RB1CC1: variants seen among roughly 807,000 people sequenced by gnomAD.
The protein encoded by RB1CC1 is RB1 inducible coiled-coil 1, also known as RB1-inducible coiled-coil protein 1.
RB1CC1 carries 46 observed loss-of-function variants against 177.5 expected under a neutral mutation model. That is an observed-to-expected ratio of 0.26 (90% CI 0.20 to 0.33). The LOEUF is 0.33. Among genes scored for constraint, RB1CC1 ranks in the 10% least tolerant of loss-of-function variants. The pLI is 1.00. For synonymous variants in RB1CC1, 666 were observed against 613.6 expected, an observed-to-expected ratio of 1.09 and a Z score of -1.26; for missense variants, 1,703 against 1,816.3, an observed-to-expected ratio of 0.94 and a Z score of 1.13.
chr8:52,661,211 T>C lies in RB1CC1; in HGVS notation c.1429A>G (p.Ile477Val). The change falls in exon 10 of 24, where the codon ATA becomes GTA. Residue 477 changes from isoleucine to valine, a missense_variant. By Grantham distance (29) the Ile-to-Val change is conservative. Around this residue, in one of 6 missense-constraint regions of RB1CC1, gnomAD observed 1,169 missense variants for 1,184.7 expected, o/e 0.99. Coordinates refer to ENST00000025008, the MANE Select transcript of RB1CC1 (RefSeq NM_014781.5). ...ATTTTGACTCTTTCTAACAGCTCTA[T>C]TACGAGGCGGAGCAAAGCTTGTAAC... ...EKLQALLRLV[I>V]ELLERVKIVE... is the part of the protein sequence containing the mutation. 6.2e-7 allele frequency: 1 copy of C among 1,613,932 alleles called. No individual in the cohort carries two copies. Among genetic ancestry groups the C allele is most frequent in the Non-Finnish European group, 8.5e-7 (1 of 1,179,890 alleles).
chr8:52,635,056 A>G (rs1849029504), intron 19 of RB1CC1, 88 bp from the exon 20 acceptor site: 2 of 1,246,134 alleles, frequency 1.6e-6, no homozygotes, highest in African/African-American at 1.6e-5. Context: ...TCATCAGACA[A>G]AAATGTTTGG....
intron 8 of RB1CC1, among the ~76,000 whole-genome samples, chr8:52,662,933 T>C (rs968544191): frequency 1.8e-4 from 27 of 152,116 alleles, no homozygotes; most frequent in African/African-American, 6.3e-4. Context: ...ATGAAAAATA[T>C]AGAATCAATC....
In RB1CC1 at chr8:52,657,624, A is replaced by T; in HGVS notation, c.2205T>A (p.Ala735=). Residue 735 remains alanine, a synonymous_variant, in exon 15 of 24, where the codon GCT becomes GCA. Transcript: ENST00000025008. ...AESPESDFMS[A]VNEFVIEENL... ...TTTCTTCTATTACAAACTCATTCACAGCAGACATAAAATCTGATTCAGGAC... is the reference window on the plus strand; with the variant it reads ...TTTCTTCTATTACAAACTCATTCACTGCAGACATAAAATCTGATTCAGGAC... 6.2e-7 allele frequency: 1 copy of T among 1,614,150 alleles called. No homozygotes were observed. Among genetic ancestry groups the T allele is most frequent in the Non-Finnish European group, 8.5e-7 (1 of 1,180,030 alleles).
chr8:52,682,049 A>G (rs983743534), intron 5 of RB1CC1, among the ~76,000 whole-genome samples: 5 of 152,174 alleles, frequency 3.3e-5, no homozygotes, highest in African/African-American at 1.2e-4. Context: ...TGCACTGTGC[A>G]CCTGGAAAAG....
chr8:52,709,810 A>G (rs76565959), intron 1 of RB1CC1, among the ~76,000 whole-genome samples: 2,508 of 152,374 alleles, frequency 0.016, 69 homozygotes, highest in African/African-American at 0.056. Context: ...GGGACACCCC[A>G]ATGACAATCT....
rs1854176841 is a variant in RB1CC1, at chr8:52,685,327, G to A, written c.71+72C>T. The A allele has an allele frequency of 5.1e-6, 6 of 1,177,754 alleles. No individual in the cohort carries two copies. In the East Asian group the frequency reaches 1.5e-4, roughly 29 times the overall value. 73.0% of individuals were successfully genotyped at this position (1,177,754 alleles called of 1,614,324 possible). A position where few individuals can be genotyped will look rare whatever the true frequency, so the allele number is the denominator to read the frequency against. ...CCGCCATTATCCTACTTTTTAAACA[G>A]TAGAATAATATTTCTTTAACTTTCT... On this transcript the variant is annotated intron_variant, in intron 3 of 23. Coordinates refer to ENST00000025008, the MANE Select transcript of RB1CC1 (RefSeq NM_014781.5).
chr8:52,640,531 TTTTGC>T (rs1849483864), intron 18 of RB1CC1, among the ~76,000 whole-genome samples: 2 of 152,230 alleles, frequency 1.3e-5, no homozygotes, highest in Non-Finnish European at 2.9e-5. Flanking sequence ...TTTTAAAGCC[TTTTGC>T]TTTGAATTGC....
intron 18 of RB1CC1, among the ~76,000 whole-genome samples, chr8:52,638,226 C>T (rs1358450717): frequency 2.6e-5 from 4 of 152,108 alleles, no homozygotes; most frequent in Non-Finnish European, 4.4e-5. Flanking sequence ...TTTTCTTCAT[C>T]TATTGAGATA....
chr8:52,642,668 A>T, intron 17 of RB1CC1, 36 bp downstream of exon 17: 4 of 1,570,074 alleles, frequency 2.5e-6, no homozygotes, highest in Non-Finnish European at 3.4e-6. Context: ...TTTCCACTTT[A>T]AAAAATTAAA....
At chr8:52,672,700 A>G (rs993039852) in intron 7 of RB1CC1, among the ~76,000 whole-genome samples, 3 of 152,188 alleles carry the variant, frequency 2.0e-5, no homozygotes, top group Non-Finnish European at 2.9e-5. Flanking sequence ...AGCTATAATC[A>G]TGCCACTGTA....
chr8:52,649,592 T>C (rs569989813), intron 15 of RB1CC1, among the ~76,000 whole-genome samples: 152 of 152,270 alleles, frequency 1.0e-3, no homozygotes, highest in Non-Finnish European at 1.9e-3. Flanking sequence ...GCCGAGATCA[T>C]GCCACTGCAC....
At position 52,630,543 on chromosome 8, in the gene RB1CC1, AAAG is replaced by A. The variant is rs766774791; in HGVS notation, c.4441-18_4441-16del. 5.1e-6 allele frequency: 8 copies of A among 1,558,910 alleles called. No homozygotes were observed. The East Asian group carries it at 1.4e-4, about 27-fold the overall frequency. ...CTCTGAGACATCTAAAAAAAAAAAA[AAAG>A]TTTATGAACTTACACAATTTGAGTA... On this transcript the variant is annotated splice_polypyrimidine_tract_variant and intron_variant, in intron 20 of 23. Coordinates refer to ENST00000025008, the MANE Select transcript of RB1CC1 (RefSeq NM_014781.5).
intron 10 of RB1CC1, 26 bp from the exon 11 acceptor site, chr8:52,661,033 C>G (rs1851576574): frequency 1.2e-6 from 2 of 1,611,112 alleles, no homozygotes; most frequent in Non-Finnish European, 1.7e-6. Flanking sequence ...TTATGTTAAA[C>G]ATAAACATAC....
chr8:52,628,114 A>G lies in RB1CC1; in HGVS notation c.4554T>C (p.Tyr1518=), dbSNP rs538524370. The change falls in exon 22 of 24, where the codon TAT becomes TAC. Residue 1518 remains tyrosine, a synonymous_variant. Coordinates refer to ENST00000025008, the MANE Select transcript of RB1CC1 (RefSeq NM_014781.5). ...LIILDERHDN[Y]VLFTVSPTLY... is the part of the protein sequence containing the mutation. ...AAGTAGGACTAACAGTAAATAACAC[A>G]TAATTGTCATGGCGTTCGTCTAGGA... is the stretch of plus-strand genomic sequence containing the variant. The G allele has an allele frequency of 1.9e-6, 3 of 1,607,668 alleles. No homozygotes were observed. The highest frequency in any genetic ancestry group is 2.2e-5 in the East Asian group (1 of 44,752).
At chr8:52,627,898 T>C (rs1192840794) in intron 22 of RB1CC1, 134 bp downstream of exon 22, 5 of 718,218 alleles carry the variant, frequency 7.0e-6, no homozygotes, top group Non-Finnish European at 1.1e-5. Context: ...ATACAGATTT[T>C]ATAAAAAAGC....
At chr8:52,706,797 T>TA (rs1297141511) in intron 1 of RB1CC1, among the ~76,000 whole-genome samples, 2 of 151,820 alleles carry the variant, frequency 1.3e-5, no homozygotes, top group Non-Finnish European at 2.9e-5. Context: ...TAGCTGGGAT[T>TA]ATAGGCACCC....
chr8:52,695,455 C>T (rs1397918583), intron 1 of RB1CC1, among the ~76,000 whole-genome samples: 1 of 152,176 alleles, frequency 6.6e-6, no homozygotes, highest in African/African-American at 2.4e-5. Context: ...GTTTGTTTGC[C>T]TTAGGGCTTC....
intron 1 of RB1CC1, among the ~76,000 whole-genome samples, chr8:52,712,534 C>A (rs973473867): frequency 2.0e-5 from 3 of 149,374 alleles, no homozygotes; most frequent in Admixed American, 1.3e-4. Flanking sequence ...ACAAAAGTAC[C>A]GCTTCATTGT....
chr8:52,688,421 G>A (rs564363585), intron 1 of RB1CC1, among the ~76,000 whole-genome samples: 6 of 152,230 alleles, frequency 3.9e-5, no homozygotes, highest in South Asian at 4.1e-4. Context: ...TGTCTTATGC[G>A]GTTGAGATAA....
Sources: allele counts gnomAD v4.1 joint callset (sites outside exome capture counted in the v4.1 genomes callset), GRCh38; gene constraint gnomAD v4.1.1; regional missense constraint gnomAD v4.1.1; transcripts MANE v1.5; gene names NCBI Gene and HGNC (gene_info 2026-07-23, HGNC 2026-07-21).